Variants in DNAH3 observed in about 807,000 individuals in gnomAD.
The protein encoded by DNAH3 is dynein axonemal heavy chain 3.
In DNAH3, 332 loss-of-function variants were observed where a neutral mutation model predicts 432.5. The observed-to-expected ratio is 0.77, with a 90% confidence interval of 0.70 to 0.84. DNAH3 has a LOEUF of 0.84. Ranked by LOEUF, DNAH3 falls within the 40% of genes least tolerant of loss-of-function variation. DNAH3 has a pLI of 0.00. For synonymous variants in DNAH3, 1,956 were observed against 1,900.2 expected (o/e 1.03, Z -0.76); for missense variants, 4,861 against 5,114.0 (o/e 0.95, Z 1.51).
chr16:21,049,737 T>C, intron 30 of DNAH3, 55 bp from the exon 31 acceptor site: 1 of 1,532,370 alleles, frequency 6.5e-7, no homozygotes, highest in Non-Finnish European at 9.0e-7. Flanking sequence ...CCCATCTGAA[T>C]TACCCCGCAC....
At chr16:21,046,805 G>A (rs1218014937) in intron 31 of DNAH3, among the ~76,000 whole-genome samples, 3 of 151,998 alleles carry the variant, frequency 2.0e-5, no homozygotes, top group Non-Finnish European at 4.4e-5. Context: ...ATTTCGCAGC[G>A]GCTGGTACCG....
exon 53 of DNAH3, chr16:20,964,778 A>T: frequency 6.2e-7 from 1 of 1,614,170 alleles, no homozygotes; most frequent in Non-Finnish European, 8.5e-7. Flanking sequence ...AAGTCACTGA[A>T]GCCAGGGATG....
intron 31 of DNAH3, among the ~76,000 whole-genome samples, chr16:21,042,795 A>G (rs578074812): frequency 1.3e-5 from 2 of 152,152 alleles, no homozygotes; most frequent in Non-Finnish European, 2.9e-5. Flanking sequence ...AGCATTAAGT[A>G]TATCTCCCGA....
chr16:21,111,018 A>C lies in DNAH3; in HGVS notation c.2099+608T>G, dbSNP rs566737229. On this transcript the variant is annotated intron_variant, in intron 14 of 61. Coordinates refer to ENST00000261383, the Ensembl canonical transcript of DNAH3. The stretch of plus-strand genomic sequence containing the variant: ...ACAACATAGCAAGACCCTGTCTCTG[A>C]AAACAATTAGAAAATTCGCCAGCCA... Among the ~76,000 whole-genome samples the C allele has an allele frequency of 1.8e-4, 27 of 152,266 alleles. No individual in the cohort carries two copies. In the South Asian group the frequency reaches 4.8e-3, roughly 27 times the overall value.
intron 9 of DNAH3, among the ~76,000 whole-genome samples, chr16:21,123,380 T>C (rs2092383362): frequency 6.6e-6 from 1 of 152,236 alleles, no homozygotes; most frequent in African/African-American, 2.4e-5. Context: ...GAATACCTAC[T>C]GTATATCAAA....
At chr16:21,042,144 C>T in exon 32 of DNAH3, 1 of 1,613,214 alleles carries the variant, frequency 6.2e-7, no homozygotes, top group Non-Finnish European at 8.5e-7. Flanking sequence ...TCTTTAGCTT[C>T]CGAATGATGG....
intron 37 of DNAH3, among the ~76,000 whole-genome samples, chr16:21,028,718 GA>G (rs2088708576): frequency 6.6e-6 from 1 of 151,966 alleles, no homozygotes; most frequent in Non-Finnish European, 1.5e-5. Context: ...AACCCTGTAG[GA>G]AGTAGTGCAA....
chr16:20,980,019 G>C (rs1302234018), intron 49 of DNAH3, among the ~76,000 whole-genome samples: 1 of 151,682 alleles, frequency 6.6e-6, no homozygotes, highest in Non-Finnish European at 1.5e-5. Context: ...CAAAGTGCTG[G>C]GATTACAGGC....
chr16:21,081,567 T>C, intron 20 of DNAH3, 69 bp downstream of exon 20: 1 of 1,304,442 alleles, frequency 7.7e-7, no homozygotes, highest in Non-Finnish European at 1.1e-6. Context: ...ATGGAGCCAA[T>C]CAGATCACTG....
intron 55 of DNAH3, among the ~76,000 whole-genome samples, chr16:20,953,650 C>T (rs2084421629): frequency 6.6e-6 from 1 of 151,992 alleles, no homozygotes; most frequent in Non-Finnish European, 1.5e-5. Context: ...CCCTTCACTG[C>T]AGCCTCGAAC....
intron 28 of DNAH3, among the ~76,000 whole-genome samples, chr16:21,053,592 T>G (rs1309802752): frequency 1.3e-5 from 2 of 152,188 alleles, no homozygotes; most frequent in Non-Finnish European, 2.9e-5. Context: ...TGTGGCCGTG[T>G]GAAGAGCACA....
intron 12 of DNAH3, among the ~76,000 whole-genome samples, chr16:21,113,452 C>T (rs968565360): frequency 1.5e-5 from 2 of 136,852 alleles, no homozygotes; most frequent in African/African-American, 5.4e-5. Flanking sequence ...TCACAGTTGT[C>T]TTTAATTTTA....
chr16:20,982,692 T>C (rs2085967123), intron 49 of DNAH3, 29 bp downstream of exon 49: 1 of 1,593,334 alleles, frequency 6.3e-7, no homozygotes, highest in Non-Finnish European at 8.6e-7. Flanking sequence ...TTGGAATATC[T>C]AGAGTCCTAA....
intron 51 of DNAH3, among the ~76,000 whole-genome samples, chr16:20,972,331 ATCC>A (rs2085380274): frequency 6.6e-6 from 1 of 151,140 alleles, no homozygotes; most frequent in South Asian, 2.1e-4. Context: ...GAATGAAGTG[ATCC>A]TCCTGTCTCA....
rs2089875528 is a variant in DNAH3 at position 21,049,795 on chromosome 16, T to G, written c.4348-113A>C. 5 of 1,322,340 alleles carry G rather than the reference T, an allele frequency of 3.8e-6. No individual in the cohort carries two copies. The South Asian group carries it at 6.0e-5, about 16-fold the overall frequency. 81.9% of individuals were successfully genotyped at this position (1,322,340 alleles called of 1,614,324 possible). On this transcript the variant is annotated intron_variant, in intron 30 of 61. Transcript: ENST00000261383. Reference sequence around the variant, plus strand: ...CTCTCCTTGCTCTGCTTGAAGGAGCTGGGGCCCATGCTGCCTGTTAATGCT... The same window carrying G: ...CTCTCCTTGCTCTGCTTGAAGGAGCGGGGGCCCATGCTGCCTGTTAATGCT...
chr16:21,094,064 G>A (rs554501795), intron 18 of DNAH3, among the ~76,000 whole-genome samples: 1 of 152,158 alleles, frequency 6.6e-6, no homozygotes, highest in South Asian at 2.1e-4. Flanking sequence ...TACGTTGGAC[G>A]TCATCAAAGT....
rs1328823947 is a variant in DNAH3 at position 21,045,914 on chromosome 16, G to A, written c.4461+3655C>T. Among the ~76,000 whole-genome samples the A allele has an allele frequency of 3.7e-3, 518 of 141,138 alleles. 4 individuals carry two copies. Among genetic ancestry groups the A allele is most frequent in the African/African-American group, 0.013 (475 of 37,890 alleles). The allele number at this position is 141,138 out of a possible 152,430, so 92.6% of individuals were successfully genotyped here. ...GGTTTCAAAGAACATCTTTATTTCT[G>A]CCTTCATTTCGTTATGTACCCAGTA... On this transcript the variant is annotated intron_variant, in intron 31 of 61. Transcript: ENST00000261383.
At position 21,130,509 on chromosome 16, in the gene DNAH3, T is replaced by C. The variant is rs372325807; in HGVS notation, c.1083-2697A>G. On this transcript the variant is annotated intron_variant, in intron 7 of 61. Transcript: ENST00000261383. ...TAGTAGAGACAGGGTTTCACCATGTTGGTCAGGCTGGTGTCCAACTCCTGA... is the reference window on the plus strand; with the variant it reads ...TAGTAGAGACAGGGTTTCACCATGTCGGTCAGGCTGGTGTCCAACTCCTGA... Among the ~76,000 whole-genome samples, 19 of 152,208 alleles carry C rather than the reference T, an allele frequency of 1.2e-4. 1 individual carries two copies. In the South Asian group the frequency reaches 4.0e-3, roughly 32 times the overall value.
chr16:21,047,390 T>C (rs1423111525), intron 31 of DNAH3, among the ~76,000 whole-genome samples: 2 of 151,312 alleles, frequency 1.3e-5, no homozygotes, highest in Admixed American at 6.6e-5. Context: ...TATTCTTTTT[T>C]CTCTAGACTT....
Sources: allele counts gnomAD v4.1 joint callset (sites outside exome capture counted in the v4.1 genomes callset), GRCh38; gene constraint gnomAD v4.1.1; transcripts MANE v1.5; gene names NCBI Gene and HGNC (gene_info 2026-07-23, HGNC 2026-07-21).